The following FAM199X variants were observed in gnomAD, a reference collection of about 807,000 sequenced individuals.
The protein encoded by FAM199X is protein FAM199X.
FAM199X carries 4 observed loss-of-function variants against 22.9 expected under a neutral mutation model. The observed-to-expected ratio is 0.17, with a 90% CI of 0.09 to 0.40. The LOEUF (loss-of-function observed/expected upper bound fraction) is 0.40. FAM199X is among the 10% of genes least tolerant of loss of function. The probability of loss-of-function intolerance (pLI) is 1.00; values close to 1 mark genes in which losing one functional copy is unlikely to be tolerated. For missense variants in FAM199X, 183 were observed against 306.8 expected, an observed-to-expected ratio of 0.60 and a Z score of 3.01; for synonymous variants, 101 against 112.3, an observed-to-expected ratio of 0.90 and a Z score of 0.64.
In FAM199X at chrX:104,182,113, C is replaced by G. The variant is rs955460558; in HGVS notation, c.418-3953C>G. ...AAGCGATGCTCCTGCCTCAGCCTCCCGAATAGCTTGGACTACAGGTGCACG... is the reference window on the plus strand; with the variant it reads ...AAGCGATGCTCCTGCCTCAGCCTCCGGAATAGCTTGGACTACAGGTGCACG... On this transcript the variant is annotated intron_variant, in intron 2 of 5. Transcript: ENST00000493442. Among the ~76,000 whole-genome samples, 2 of 107,481 alleles carry G rather than the reference C, an allele frequency of 1.9e-5. 1 individual carries two copies. Among genetic ancestry groups the G allele is most frequent in the South Asian group, 8.4e-4 (2 of 2,375 alleles). The allele number at this position is 107,481 out of a possible 115,157, so 93.3% of individuals were successfully genotyped here. A position where few individuals can be genotyped will look rare whatever the true frequency, so the allele number is the denominator to read the frequency against.
chrX:104,164,068 A>T (rs1188858422), upstream of FAM199X, among the ~76,000 whole-genome samples: 1 of 112,624 alleles, frequency 8.9e-6, no homozygotes, highest in Non-Finnish European at 1.9e-5. Context: ...TAAATTCTAC[A>T]TGTTCATAAA....
chrX:104,173,522 T>C (rs181051879), intron 1 of FAM199X, among the ~76,000 whole-genome samples: 11 of 110,962 alleles, frequency 9.9e-5, no homozygotes, highest in African/African-American at 3.6e-4. Flanking sequence ...AGATTAGCCA[T>C]ACAAAATGGA....
At chrX:104,171,429 G>C (rs1921350596) in intron 1 of FAM199X, among the ~76,000 whole-genome samples, 1 of 111,700 alleles carries the variant, frequency 9.0e-6, no homozygotes, top group South Asian at 3.7e-4. Flanking sequence ...TCTCTTAGTG[G>C]AATATAATGT....
At chrX:104,180,483 T>C (rs1400336474) in intron 2 of FAM199X, among the ~76,000 whole-genome samples, 1 of 110,904 alleles carries the variant, frequency 9.0e-6, no homozygotes, top group East Asian at 2.8e-4. Context: ...TTTTAATTGC[T>C]GGCTTCTTCA....
intron 5 of FAM199X, among the ~76,000 whole-genome samples, chrX:104,188,953 T>C (rs1921869688): frequency 8.9e-6 from 1 of 112,025 alleles, no homozygotes. Context: ...AGTGACCCAG[T>C]GGTGACTTGA....
upstream of FAM199X, among the ~76,000 whole-genome samples, chrX:104,163,095 TACACACACACACACACACACACACACAC>T (rs35140355): frequency 1.0e-5 from 1 of 95,423 alleles, no homozygotes; most frequent in African/African-American, 3.9e-5. Context: ...CTCAGCTAAA[TACACACACACACACACACACACACACAC>T]ACACACACAC....
At chrX:104,158,315 C>T in the FAM199X span, among the ~76,000 whole-genome samples, 1 of 111,272 alleles carries the variant, frequency 9.0e-6, no homozygotes, top group South Asian at 3.7e-4. Context: ...AAGGAGGTGA[C>T]TATAGTAGGA....
chrX:104,182,237 T>A (rs868946226), intron 2 of FAM199X, among the ~76,000 whole-genome samples: 1 of 110,705 alleles, frequency 9.0e-6, no homozygotes, highest in South Asian at 3.8e-4. Flanking sequence ...TCTGTCCGCC[T>A]CGGCCTCCCA....
upstream of FAM199X, among the ~76,000 whole-genome samples, chrX:104,161,846 CA>C (rs782155778): frequency 8.0e-5 from 8 of 100,123 alleles, no homozygotes; most frequent in African/African-American, 3.6e-5. Flanking sequence ...GTCTAAAAAC[CA>C]AAAAAAAAAG....
At chrX:104,166,251 T>C (rs1256170406), upstream of FAM199X, among the ~76,000 whole-genome samples, 1 of 112,080 alleles carries the variant, frequency 8.9e-6, no homozygotes, top group Non-Finnish European at 1.9e-5. Flanking sequence ...CGAGTACGAG[T>C]GAGAAAGCGG....
At chrX:104,164,295 A>G (rs1414090536), upstream of FAM199X, among the ~76,000 whole-genome samples, 2 of 112,109 alleles carry the variant, frequency 1.8e-5, no homozygotes, top group African/African-American at 6.5e-5. Flanking sequence ...GACTACTGCA[A>G]CCCTTCATTT....
chrX:104,171,943 G>T (rs1921362955), intron 1 of FAM199X, among the ~76,000 whole-genome samples: 1 of 111,700 alleles, frequency 9.0e-6, no homozygotes, highest in Non-Finnish European at 1.9e-5. Flanking sequence ...GATTCCAAAT[G>T]AATGAACCTT....
chrX:104,186,996 G>A (rs182829690), intron 4 of FAM199X, among the ~76,000 whole-genome samples: 2 of 111,798 alleles, frequency 1.8e-5, no homozygotes, highest in Admixed American at 1.9e-4. Context: ...AGGGATTTGA[G>A]TAGTTTTATG....
At chrX:104,187,916 A>AC (rs1921845316) in intron 4 of FAM199X, 124 bp from the exon 5 acceptor site, 1 of 792,568 alleles carries the variant, frequency 1.3e-6, no homozygotes, top group Non-Finnish European at 1.8e-6. Context: ...ATTCTACCTT[A>AC]CGTATGCATC....
At position 104,166,643 on chromosome X, in the gene FAM199X, G is replaced by A; in HGVS notation, c.-143G>A. On this transcript the variant is annotated 5_prime_UTR_variant, in exon 1 of 6. Transcript: ENST00000493442. ...CCCGCACCCCGGCAAGCAGCAGCGG[G>A]CCGCGACGCCCAGCCTGCCAGTGAG... 1 of 507,053 alleles carries A rather than the reference G, an allele frequency of 2.0e-6. No individual in the cohort carries two copies. Among genetic ancestry groups the A allele is most frequent in the Non-Finnish European group, 3.0e-6 (1 of 328,786 alleles). The allele number at this position is 507,053 out of a possible 1,213,427, so 41.8% of individuals were successfully genotyped here. A position where few individuals can be genotyped will look rare whatever the true frequency, so the allele number is the denominator to read the frequency against.
In FAM199X at chrX:104,167,062, G is replaced by T. The variant is rs1489402089; in HGVS notation, c.197+80G>T. 10 of 891,200 alleles carry T rather than the reference G, an allele frequency of 1.1e-5. 1 individual carries two copies. In the East Asian group the frequency reaches 3.2e-4, roughly 29 times the overall value. 73.4% of individuals were successfully genotyped at this position (891,200 alleles called of 1,213,427 possible). A position where few individuals can be genotyped will look rare whatever the true frequency, so the allele number is the denominator to read the frequency against. On this transcript the variant is annotated intron_variant, in intron 1 of 5. Coordinates refer to ENST00000493442, the MANE Select transcript of FAM199X (RefSeq NM_207318.4). ...CTCCTGATCCTTCGTCCCGGGCTGC[G>T]CTTCCAGTCGCCCCCTCCCCCACCT...
intron 1 of FAM199X, among the ~76,000 whole-genome samples, chrX:104,167,802 G>A (rs1464393221): frequency 9.1e-6 from 1 of 109,873 alleles, no homozygotes; most frequent in Non-Finnish European, 1.9e-5. Context: ...GCATTTACGT[G>A]TTAGATCAAA....
Position 104,191,624 on chromosome X carries a change from A to G in FAM199X, c.*1846A>G, listed in dbSNP as rs1051225338. On this transcript the variant is annotated 3_prime_UTR_variant, in exon 6 of 6. Transcript: ENST00000493442. ...CAAATAGAGCATAGTAACTGTATCT[A>G]AATTCTCTACCTGCTCTTAGCAAAA... 5.7e-5 allele frequency: 6 copies of G among 104,524 alleles called. No homozygotes were observed. The highest frequency in any genetic ancestry group is 9.8e-5 in the Admixed American group (1 of 10,173). 8.6% of individuals were successfully genotyped at this position (104,524 alleles called of 1,213,427 possible). A position where few individuals can be genotyped will look rare whatever the true frequency, so the allele number is the denominator to read the frequency against.
At chrX:104,179,560 G>A (rs1371998676) in intron 2 of FAM199X, among the ~76,000 whole-genome samples, 14 of 111,402 alleles carry the variant, frequency 1.3e-4, no homozygotes, top group African/African-American at 3.3e-4. Context: ...ATTATTTATC[G>A]TTTTCTATAT....
Sources: allele counts gnomAD v4.1 joint callset (sites outside exome capture counted in the v4.1 genomes callset), GRCh38; gene constraint gnomAD v4.1.1; transcripts MANE v1.5; gene names NCBI Gene and HGNC (gene_info 2026-07-23, HGNC 2026-07-21).